The following ATG7 variants were observed in gnomAD, a reference collection of about 807,000 sequenced individuals.
The protein encoded by ATG7 is ubiquitin-like modifier-activating enzyme ATG7.
In ATG7, 70 loss-of-function variants were observed where a neutral mutation model predicts 82.4. The ratio of observed to expected loss-of-function variants is 0.85; its 90% CI spans 0.70 to 1.04. The LOEUF is 1.04. Among genes scored for constraint, ATG7 ranks in the 50% least tolerant of loss-of-function variants. The pLI is 0.00. For synonymous variants in ATG7, 287 were observed against 313.0 expected (o/e 0.92, Z 0.88); for missense variants, 792 against 864.3 (o/e 0.92, Z 1.05).
intron 13 of ATG7, among the ~76,000 whole-genome samples, chr3:11,344,876 C>T (rs955648144): frequency 2.0e-5 from 3 of 151,932 alleles, no homozygotes; most frequent in Admixed American, 1.3e-4. Context: ...CTCAATCAAC[C>T]GATCAATTAA....
Position 11,469,920 on chromosome 3 carries a change from G to A in ATG7, c.2079+42994G>A, listed in dbSNP as rs142585683. ...CAGGAGAATCTCTTGAACCTGGGAGGCGGAGGTTGCAGTGAGTGAGATTGT... is the reference window on the plus strand; with the variant it reads ...CAGGAGAATCTCTTGAACCTGGGAGACGGAGGTTGCAGTGAGTGAGATTGT... On this transcript the variant is annotated intron_variant, in intron 20 of 20. Coordinates refer to ENST00000693202, the MANE Select transcript of ATG7 (RefSeq NM_001349232.2). 4.9e-3 allele frequency among the ~76,000 whole-genome samples: 740 copies of A among 149,616 alleles called. 10 individuals are homozygous for A. Among genetic ancestry groups the A allele is most frequent in the African/African-American group, 0.018 (709 of 40,506 alleles).
intron 20 of ATG7, chr3:11,477,179 A>G (rs964502190): frequency 3.1e-6 from 4 of 1,289,526 alleles, no homozygotes; most frequent in African/African-American, 1.5e-5. Context: ...GAGGCAGAAC[A>G]TAAACAAATG....
chr3:11,400,460 G>T (rs1184612328), intron 19 of ATG7, among the ~76,000 whole-genome samples: 1 of 152,196 alleles, frequency 6.6e-6, no homozygotes, highest in Admixed American at 6.5e-5. Context: ...CCGTGGAGCA[G>T]CTGCAACCCA....
At chr3:11,335,844 C>T (rs181523140) in intron 11 of ATG7, among the ~76,000 whole-genome samples, 4 of 152,100 alleles carry the variant, frequency 2.6e-5, no homozygotes, top group South Asian at 2.1e-4. Context: ...ATTACAGTCG[C>T]GTGCCACCAC....
intron 3 of ATG7, among the ~76,000 whole-genome samples, chr3:11,286,583 C>CTTTTTTTTTT (rs5846700): frequency 9.0e-5 from 6 of 66,948 alleles, no homozygotes; most frequent in African/African-American, 1.4e-4. Context: ...TTCTTTCTTT[C>CTTTTTTTTTT]TTTTTTTTTT....
At chr3:11,316,024 C>A (rs1373897829) in intron 9 of ATG7, among the ~76,000 whole-genome samples, 1 of 152,076 alleles carries the variant, frequency 6.6e-6, no homozygotes, top group African/African-American at 2.4e-5. Context: ...CAGCCAATAC[C>A]TTACTCTCTA....
chr3:11,298,914 A>G, intron 4 of ATG7, 59 bp downstream of exon 4: 2 of 1,573,246 alleles, frequency 1.3e-6, no homozygotes, highest in Non-Finnish European at 1.7e-6. Context: ...GTCCTCCAGT[A>G]TAGTGTCAGC....
chr3:11,348,014 C>T lies in ATG7; in HGVS notation c.1263C>T (p.Leu421=), dbSNP rs1954829691. Residue 421 remains leucine (L), a synonymous_variant, in exon 14 of 21, where the codon CTC becomes CTT. Transcript: ENST00000693202. The part of the protein sequence containing the change: ...KPKALAAADR[L]QKIFPGVNAR... ...AGGCTCTGGCAGCAGCGGACCGGCT[C>T]CAGAAAATATTCCCCGGTGTGGTAT... 1 of 1,613,718 alleles carries T rather than the reference C, an allele frequency of 6.2e-7. No individual in the cohort carries two copies.
intron 20 of ATG7, chr3:11,446,457 G>A: frequency 2.4e-6 from 1 of 417,200 alleles, no homozygotes; most frequent in South Asian, 1.8e-5. Flanking sequence ...GTCCGTAGGG[G>A]AAACTTGGCG....
chr3:11,288,115 C>T (rs911826935), intron 3 of ATG7, among the ~76,000 whole-genome samples: 1 of 152,208 alleles, frequency 6.6e-6, no homozygotes, highest in Non-Finnish European at 1.5e-5. Flanking sequence ...GCTTGCCAGA[C>T]CCTGGTCTTG....
Position 11,358,604 on chromosome 3 carries a change from AAGAG to A in ATG7, c.1473_1476del (p.Arg492SerfsTer16). 6.2e-7 allele frequency: 1 copy of A among 1,613,094 alleles called. No individual in the cohort carries two copies. Among genetic ancestry groups the A allele is most frequent in the Non-Finnish European group, 8.5e-7 (1 of 1,179,848 alleles). On this transcript the variant is annotated frameshift_variant, in exon 15 of 21. Transcript: ENST00000693202. LOFTEE classifies it high-confidence loss of function. ...GCTTCCTGCCGTCATTGCTGCAAGC[AAGAG>A]AAAGGTAGGCCCTGTCTCTAATTAT... is the stretch of plus-strand genomic sequence containing the variant.
At chr3:11,546,787 CA>C in intron 20 of ATG7, among the ~76,000 whole-genome samples, 1 of 152,228 alleles carries the variant, frequency 6.6e-6, no homozygotes, top group Non-Finnish European at 1.5e-5. Flanking sequence ...TGCAGAGTGG[CA>C]GCCCATCCCT....
chr3:11,376,003 A>G (rs6442251), intron 18 of ATG7, among the ~76,000 whole-genome samples: 125,714 of 152,250 alleles, frequency 0.83, 52,100 homozygotes, highest in East Asian at 1. Context: ...AAATAAATGT[A>G]TTATAGCAAC....
chr3:11,495,563 A>G (rs1255282177), intron 20 of ATG7, among the ~76,000 whole-genome samples: 2 of 152,194 alleles, frequency 1.3e-5, no homozygotes, highest in African/African-American at 2.4e-5. Flanking sequence ...GGGTGCAGGC[A>G]GTTTCCTAAC....
chr3:11,309,767 A>G (rs989720674), intron 7 of ATG7, among the ~76,000 whole-genome samples: 1 of 152,204 alleles, frequency 6.6e-6, no homozygotes, highest in Non-Finnish European at 1.5e-5. Flanking sequence ...ATATCTGTGT[A>G]TATAAAACTA....
rs180969962 is a variant in ATG7 at position 11,343,798 on chromosome 3, C to T, written c.1125+1519C>T. Among the ~76,000 whole-genome samples the T allele has an allele frequency of 3.3e-5, 5 of 152,212 alleles. No homozygotes were observed. In the East Asian group the frequency reaches 9.6e-4, roughly 29 times the overall value. ...GCTAAACCCCCTTATATACCTGAGTCTCTTTATGGATTCTCTATTTTGACT... is the reference window on the plus strand; with the variant it reads ...GCTAAACCCCCTTATATACCTGAGTTTCTTTATGGATTCTCTATTTTGACT... On this transcript the variant is annotated intron_variant, in intron 13 of 20. Coordinates refer to ENST00000693202, the MANE Select transcript of ATG7 (RefSeq NM_001349232.2).
chr3:11,345,440 G>GGTA (rs1954375872), intron 13 of ATG7, among the ~76,000 whole-genome samples: 1 of 152,054 alleles, frequency 6.6e-6, no homozygotes, highest in Non-Finnish European at 1.5e-5. Context: ...TGTTGGTTGG[G>GGTA]GTAGTAAGGG....
At chr3:11,463,519 A>G (rs773336969) in intron 20 of ATG7, among the ~76,000 whole-genome samples, 3 of 152,140 alleles carry the variant, frequency 2.0e-5, no homozygotes, top group Non-Finnish European at 4.4e-5. Context: ...CCCTTCCCGC[A>G]TTTAGACTTG....
chr3:11,483,002 A>C (rs1436032382), intron 20 of ATG7, among the ~76,000 whole-genome samples: 1 of 151,858 alleles, frequency 6.6e-6, no homozygotes, highest in Non-Finnish European at 1.5e-5. Flanking sequence ...CTATCACCCT[A>C]GTTACTTGGG....
Sources: gnomAD v4.1 joint callset for allele counts (sites outside exome capture counted in the v4.1 genomes callset) on GRCh38, gnomAD v4.1.1 for gene constraint, MANE v1.5 for transcripts, NCBI Gene and HGNC (gene_info 2026-07-23, HGNC 2026-07-21) for gene names.